The following IL10RB variants were observed in gnomAD, a reference collection of about 807,000 sequenced individuals.
IL10RB encodes interleukin-10 receptor subunit beta.
Under a neutral mutation model 38.7 loss-of-function variants are expected in IL10RB, and 30 were observed. The ratio of observed to expected loss-of-function variants is 0.78; its 90% CI spans 0.58 to 1.05. The LOEUF is 1.05. Among genes scored for constraint, IL10RB ranks in the 50% least tolerant of loss-of-function variants. The pLI is 0.00. For synonymous variants in IL10RB, 142 were observed against 145.9 expected (o/e 0.97, Z 0.19); for missense variants, 328 against 397.1 (o/e 0.83, Z 1.48).
At chr21:33,290,184 G>A (rs1408480959) in intron 6 of IL10RB, among the ~76,000 whole-genome samples, 1 of 151,466 alleles carries the variant, frequency 6.6e-6, no homozygotes, top group Admixed American at 6.6e-5. Context: ...CCAGCTACTC[G>A]GGAGACTGAG....
chr21:33,285,296 A>C (rs1989353088), intron 5 of IL10RB, among the ~76,000 whole-genome samples: 2 of 152,224 alleles, frequency 1.3e-5, no homozygotes. Context: ...ACCAGAACAC[A>C]GGCTCATTCA....
intron 6 of IL10RB, among the ~76,000 whole-genome samples, chr21:33,291,867 G>C (rs571328698): frequency 1.3e-5 from 2 of 152,236 alleles, no homozygotes; most frequent in South Asian, 4.1e-4. Context: ...AGCAGTGGTG[G>C]CTACCCAGCC....
intron 1 of IL10RB, among the ~76,000 whole-genome samples, chr21:33,267,066 G>T (rs1447854525): frequency 6.6e-6 from 1 of 152,120 alleles, no homozygotes; most frequent in Non-Finnish European, 1.5e-5. Context: ...CAGCGCCCCA[G>T]CTCCATGGCT....
intron 5 of IL10RB, among the ~76,000 whole-genome samples, chr21:33,285,193 C>G (rs765396765): frequency 6.6e-6 from 1 of 152,146 alleles, no homozygotes; most frequent in Non-Finnish European, 1.5e-5. Flanking sequence ...GCCCAGCCAT[C>G]CAGTTTTAGT....
intron 1 of IL10RB, among the ~76,000 whole-genome samples, chr21:33,304,935 G>A (rs937849333): frequency 2.0e-5 from 3 of 152,114 alleles, no homozygotes; most frequent in South Asian, 2.1e-4. Flanking sequence ...AAGATCGTAA[G>A]ACTAAGGACA....
chr21:33,291,339 C>T (rs1375520346), intron 6 of IL10RB, among the ~76,000 whole-genome samples: 2 of 151,970 alleles, frequency 1.3e-5, no homozygotes, highest in African/African-American at 4.8e-5. Context: ...GATTTCGGCT[C>T]AGTGCAAGCT....
intron 2 of IL10RB, among the ~76,000 whole-genome samples, chr21:33,272,506 G>A (rs1202266437): frequency 6.6e-6 from 1 of 152,124 alleles, no homozygotes; most frequent in African/African-American, 2.4e-5. Flanking sequence ...GAGTGCAGTG[G>A]TGCAATCACG....
intron 1 of IL10RB, 83 bp from the exon 2 acceptor site, chr21:33,268,311 G>T: frequency 6.2e-7 from 1 of 1,601,996 alleles, no homozygotes; most frequent in South Asian, 1.1e-5. Context: ...CCATAGAGGA[G>T]AACCAAGTGC....
chr21:33,287,125 A>T (rs1409134274), intron 5 of IL10RB, among the ~76,000 whole-genome samples: 1 of 152,150 alleles, frequency 6.6e-6, no homozygotes, highest in Non-Finnish European at 1.5e-5. Flanking sequence ...TGGGAGATAC[A>T]TACATGTCTC....
At position 33,266,424 on chromosome 21, in the gene IL10RB, T is replaced by C. The variant is rs948026434; in HGVS notation, c.-42T>C. ...AAGCTCTCCCGGGCGCGGGCGGGGG[T>C]CGTGTGCTTGGAGGAAGCCGCGGAA... On this transcript the variant is annotated 5_prime_UTR_variant, in exon 1 of 7. Transcript: ENST00000290200. The C allele has an allele frequency of 1.3e-6, 2 of 1,534,766 alleles. No homozygotes were observed. Among genetic ancestry groups the C allele is most frequent in the Non-Finnish European group, 8.7e-7 (1 of 1,144,270 alleles).
intron 4 of IL10RB, among the ~76,000 whole-genome samples, chr21:33,280,630 T>C (rs933172134): frequency 1.3e-5 from 2 of 152,180 alleles, no homozygotes; most frequent in African/African-American, 4.8e-5. Context: ...TTTTTATTCA[T>C]CCTTGGTCAA....
chr21:33,291,558 G>T (rs1022677181), intron 6 of IL10RB, among the ~76,000 whole-genome samples: 1 of 152,166 alleles, frequency 6.6e-6, no homozygotes, highest in Non-Finnish European at 1.5e-5. Flanking sequence ...GAGCCACAGC[G>T]CCTGGCCCAG....
intron 2 of IL10RB, 101 bp downstream of exon 2, chr21:33,268,618 C>CA: frequency 3.5e-6 from 3 of 864,482 alleles, no homozygotes; most frequent in Non-Finnish European, 6.0e-6. Context: ...ACTACGGTCA[C>CA]CGTGTGACTG....
chr21:33,270,938 G>A (rs1989068446), intron 2 of IL10RB, among the ~76,000 whole-genome samples: 1 of 152,028 alleles, frequency 6.6e-6, no homozygotes, highest in Non-Finnish European at 1.5e-5. Context: ...GTCTCCCAAA[G>A]AGCTGGGATT....
chr21:33,288,495 T>G (rs2276223), intron 6 of IL10RB, among the ~76,000 whole-genome samples: 60,103 of 151,534 alleles, frequency 0.4, 12,355 homozygotes, highest in Non-Finnish European at 0.45. Context: ...TTGTCCAGTA[T>G]CCCTCTCTGC....
intron 5 of IL10RB, among the ~76,000 whole-genome samples, chr21:33,286,006 A>G (rs1234063685): frequency 6.6e-6 from 1 of 152,150 alleles, no homozygotes; most frequent in Non-Finnish European, 1.5e-5. Flanking sequence ...AAGAACTGGG[A>G]TAAGGAGTGC....
At chr21:33,268,892 G>T (rs2849993) in intron 2 of IL10RB, among the ~76,000 whole-genome samples, 1 of 152,178 alleles carries the variant, frequency 6.6e-6, no homozygotes, top group Non-Finnish European at 1.5e-5. Context: ...CTCTAGGTAT[G>T]AGTAGTATTG....
At chr21:33,305,243 G>A (rs2082996159) in intron 1 of IL10RB, among the ~76,000 whole-genome samples, 1 of 152,024 alleles carries the variant, frequency 6.6e-6, no homozygotes, top group African/African-American at 2.4e-5. Context: ...GGAGTAGCAG[G>A]AACTACCGAT....
At chr21:33,278,348 A>G (rs1431442751) in intron 3 of IL10RB, among the ~76,000 whole-genome samples, 3 of 152,140 alleles carry the variant, frequency 2.0e-5, no homozygotes, top group African/African-American at 4.8e-5. Flanking sequence ...CCCTTTCCCA[A>G]TTCCATCCCA....
Sources: gnomAD v4.1 joint callset for allele counts (sites outside exome capture counted in the v4.1 genomes callset) on GRCh38, gnomAD v4.1.1 for gene constraint, MANE v1.5 for transcripts, NCBI Gene and HGNC (gene_info 2026-07-23, HGNC 2026-07-21) for gene names.